The following TET1 variants were observed in gnomAD, a reference collection of about 807,000 sequenced individuals.
TET1 encodes the protein tet methylcytosine dioxygenase 1.
In TET1, 13 loss-of-function variants were observed where a neutral mutation model predicts 148.7. The observed-to-expected ratio is 0.09, with a 90% confidence interval of 0.06 to 0.14. The LOEUF is 0.14. Among genes scored for constraint, TET1 ranks in the 10% least tolerant of loss-of-function variants. TET1 has a pLI of 1.00. For synonymous variants in TET1, 907 were observed against 937.2 expected, an observed-to-expected ratio of 0.97 and a Z score of 0.59; for missense variants, 2,182 against 2,553.8, an observed-to-expected ratio of 0.85 and a Z score of 3.14.
chr10:68,619,243 T>C (rs1032709817), intron 3 of TET1, among the ~76,000 whole-genome samples: 16 of 152,118 alleles, frequency 1.1e-4, no homozygotes, highest in Non-Finnish European at 1.3e-4. Flanking sequence ...GTTATTCTCT[T>C]TTTTTGAGCC....
At chr10:68,661,196 ATTTTTTTTTTT>A (rs974912892) in intron 6 of TET1, among the ~76,000 whole-genome samples, 3 of 78,632 alleles carry the variant, frequency 3.8e-5, no homozygotes, top group African/African-American at 6.3e-5. Flanking sequence ...CGCCTGGCTA[ATTTTTTTTTTT>A]TTTTTTTTTT....
rs1328866548 is a variant in TET1, at chr10:68,596,025, CACAT to C, written c.1915-4954_1915-4951del. Among the ~76,000 whole-genome samples the C allele has an allele frequency of 9.4e-3, 526 of 56,020 alleles. 5 individuals are homozygous for C. Among genetic ancestry groups the C allele is most frequent in the East Asian group, 0.015 (31 of 2,066 alleles). 36.8% of individuals were successfully genotyped at this position (56,020 alleles called of 152,430 possible). On this transcript the variant is annotated intron_variant, in intron 2 of 11. Coordinates refer to ENST00000373644, the MANE Select transcript of TET1 (RefSeq NM_030625.3). ...ACACACACACACACACACACACACA[CACAT>C]ATATATATATATATACACATTTTTT...
At chr10:68,654,887 A>G (rs988873442) in intron 6 of TET1, among the ~76,000 whole-genome samples, 4 of 152,190 alleles carry the variant, frequency 2.6e-5, no homozygotes, top group Non-Finnish European at 4.4e-5. Context: ...TGGAAGACCC[A>G]CTTCCAAGCT....
Position 68,672,896 on chromosome 10 carries a change from C to T in TET1, c.4675C>T (p.Arg1559Cys). The change falls in exon 8 of 12, where the codon CGT becomes TGT. Residue 1559 changes from arginine to cysteine, a missense_variant and splice_region_variant. Physicochemically the swap from Arg to Cys is radical, Grantham distance 180. Coordinates refer to ENST00000373644, the MANE Select transcript of TET1 (RefSeq NM_030625.3). ...TDRRCTLNEN[R>C]TCTCQGIDPE... is the part of the protein sequence containing the mutation. The stretch of plus-strand genomic sequence containing the variant: ...CTCTCTTGAATTACAATCTTACAGT[C>T]GTACCTGTACATGTCAAGGAATTGA... The T allele has an allele frequency of 5.0e-6, 8 of 1,606,156 alleles. No individual in the cohort carries two copies. Among genetic ancestry groups the T allele is most frequent in the Non-Finnish European group, 6.8e-6 (8 of 1,174,686 alleles).
intron 3 of TET1, among the ~76,000 whole-genome samples, chr10:68,611,447 C>T (rs1201331083): frequency 6.6e-6 from 1 of 152,034 alleles, no homozygotes; most frequent in Non-Finnish European, 1.5e-5. Context: ...TGTGAAGCCA[C>T]CGCACTCCAG....
chr10:68,658,943 A>G (rs553888623), intron 6 of TET1, among the ~76,000 whole-genome samples: 19 of 152,180 alleles, frequency 1.2e-4, no homozygotes, highest in Non-Finnish European at 1.9e-4. Flanking sequence ...AGAATTTCCC[A>G]GCTGGCCAGC....
At chr10:68,648,377 C>A (rs899295672) in intron 4 of TET1, among the ~76,000 whole-genome samples, 4 of 152,144 alleles carry the variant, frequency 2.6e-5, no homozygotes, top group South Asian at 2.1e-4. Flanking sequence ...TCTAATATAG[C>A]TGTAAAAAAA....
At position 68,595,945 on chromosome 10, in the gene TET1, TATATATATATATATATACACAC is replaced by T. The variant is rs1183917933; in HGVS notation, c.1915-5034_1915-5013del. Among the ~76,000 whole-genome samples the T allele has an allele frequency of 4.2e-3, 156 of 37,552 alleles. 3 individuals carry two copies. Among genetic ancestry groups the T allele is most frequent in the Middle Eastern group, 0.015 (1 of 66 alleles). The allele number at this position is 37,552 out of a possible 152,430, so 24.6% of individuals were successfully genotyped here. A position where few individuals can be genotyped will look rare whatever the true frequency, so the allele number is the denominator to read the frequency against. ...ATATATATATATATATATATATATA[TATATATATATATATATACACAC>T]ACACACACACATATATACACACACA... is the stretch of plus-strand genomic sequence containing the variant. On this transcript the variant is annotated intron_variant, in intron 2 of 11. Transcript: ENST00000373644.
intron 8 of TET1, among the ~76,000 whole-genome samples, chr10:68,679,883 A>G (rs969515456): frequency 6.6e-6 from 1 of 152,208 alleles, no homozygotes; most frequent in African/African-American, 2.4e-5. Context: ...CTTGTTGGCC[A>G]GGCTGGTCTC....
chr10:68,607,409 T>G (rs558024408), intron 3 of TET1, among the ~76,000 whole-genome samples: 652 of 35,900 alleles, frequency 0.018, 4 homozygotes, highest in African/African-American at 0.034. Flanking sequence ...GGATCTTAAG[T>G]TTTTTTTTTT....
intron 8 of TET1, among the ~76,000 whole-genome samples, chr10:68,677,589 G>A (rs1487860436): frequency 6.6e-6 from 1 of 152,134 alleles, no homozygotes; most frequent in Non-Finnish European, 1.5e-5. Context: ...GGACTCCTGG[G>A]CTCAAGGGAT....
Position 68,651,948 on chromosome 10 carries a change from C to A in TET1, c.4367+12C>A. Reference sequence around the variant, plus strand: ...ATCATGGAGAATAGGTGAGGAAATACGCTTCCCTGTTAAAATCATTCTTAC... The same window carrying A: ...ATCATGGAGAATAGGTGAGGAAATAAGCTTCCCTGTTAAAATCATTCTTAC... On this transcript the variant is annotated intron_variant, in intron 5 of 11. Transcript: ENST00000373644. 1 of 1,605,428 alleles carries A rather than the reference C, an allele frequency of 6.2e-7. No homozygotes were observed. The highest frequency in any genetic ancestry group is 8.5e-7 in the Non-Finnish European group (1 of 1,173,652).
intron 3 of TET1, among the ~76,000 whole-genome samples, chr10:68,610,269 C>T (rs375600744): frequency 2.8e-5 from 4 of 142,248 alleles, no homozygotes; most frequent in African/African-American, 1.1e-4. Context: ...GGTGACAGTG[C>T]GAGACTCTGT....
chr10:68,603,124 A>G (rs1371918947), intron 3 of TET1, among the ~76,000 whole-genome samples: 1 of 152,196 alleles, frequency 6.6e-6, no homozygotes, highest in Non-Finnish European at 1.5e-5. Flanking sequence ...CTGGGGGACC[A>G]GTGATGGGAA....
At chr10:68,575,135 AC>A (rs1329906965) in intron 2 of TET1, among the ~76,000 whole-genome samples, 1 of 152,146 alleles carries the variant, frequency 6.6e-6, no homozygotes, top group Non-Finnish European at 1.5e-5. Flanking sequence ...TGTAATCCCA[AC>A]ACTTTGAAAG....
At chr10:68,661,833 A>AC (rs869231469) in intron 6 of TET1, among the ~76,000 whole-genome samples, 26 of 151,224 alleles carry the variant, frequency 1.7e-4, no homozygotes, top group African/African-American at 3.2e-4. Context: ...ACACACACAC[A>AC]AAAAACCAAG....
rs906317870 is a variant in TET1 at position 68,693,656 on chromosome 10, C to A, written c.*1842C>A. 1.7e-5 allele frequency: 4 copies of A among 232,066 alleles called. No homozygotes were observed. Among genetic ancestry groups the A allele is most frequent in the Non-Finnish European group, 2.6e-5 (3 of 117,556 alleles). The allele number at this position is 232,066 out of a possible 1,614,324, so 14.4% of individuals were successfully genotyped here. On this transcript the variant is annotated 3_prime_UTR_variant, in exon 12 of 12. Transcript: ENST00000373644. ...TTAGTATTTTGTGTGCCTTAGATTT[C>A]CGTTTTAAGACATGTATATTTTTGT...
chr10:68,584,108 C>T (rs901670666), intron 2 of TET1, among the ~76,000 whole-genome samples: 1 of 150,868 alleles, frequency 6.6e-6, no homozygotes, highest in African/African-American at 2.4e-5. Flanking sequence ...GGCGCGATCT[C>T]GGCTCACTGC....
At chr10:68,631,433 CTTTT>C (rs546257824) in intron 3 of TET1, among the ~76,000 whole-genome samples, 26 of 110,576 alleles carry the variant, frequency 2.4e-4, no homozygotes, top group South Asian at 1.6e-3. Flanking sequence ...TTTCTTTCTT[CTTTT>C]TTTTTTTTTT....
Sources: gnomAD v4.1 joint callset for allele counts (sites outside exome capture counted in the v4.1 genomes callset) on GRCh38, gnomAD v4.1.1 for gene constraint, MANE v1.5 for transcripts, NCBI Gene and HGNC (gene_info 2026-07-23, HGNC 2026-07-21) for gene names.